The following FGF12 variants were observed in gnomAD, a reference collection of about 807,000 sequenced individuals.
FGF12 encodes the protein fibroblast growth factor 12B.
In FGF12, 14 loss-of-function variants were observed where a neutral mutation model predicts 23.6. That is an observed-to-expected ratio of 0.59 (90% confidence interval 0.39 to 0.93). FGF12 has a LOEUF of 0.93. Ranked by LOEUF, FGF12 falls within the 40% of genes least tolerant of loss-of-function variation. The pLI, the probability that FGF12 is intolerant of heterozygous loss-of-function variation, is 0.00. For synonymous variants in FGF12, 62 were observed against 77.3 expected (o/e 0.80, Z 1.04); for missense variants, 175 against 217.8 (o/e 0.80, Z 1.24).
At chr3:192,320,310 C>T (rs1054542661) in intron 4 of FGF12, among the ~76,000 whole-genome samples, 2 of 152,084 alleles carry the variant, frequency 1.3e-5, no homozygotes, top group African/African-American at 4.8e-5. Flanking sequence ...AATATAAATG[C>T]ACCCAACACT....
At position 192,185,271 on chromosome 3, in the gene FGF12, G is replaced by A. The variant is rs564476353; in HGVS notation, c.229-14615C>T. ...CTATATAGAACTCACTTGAGACCCC[G>A]GCCTCTGTCTTATTTCTCACTGAAA... is the stretch of plus-strand genomic sequence containing the variant. On this transcript the variant is annotated intron_variant, in intron 4 of 5. Transcript: ENST00000445105. Among the ~76,000 whole-genome samples, 3 of 152,158 alleles carry A rather than the reference G, an allele frequency of 2.0e-5. No homozygotes were observed. In the South Asian group the frequency reaches 6.2e-4, roughly 32 times the overall value.
intron 4 of FGF12, among the ~76,000 whole-genome samples, chr3:192,257,678 G>C (rs1426769920): frequency 2.0e-5 from 3 of 152,020 alleles, no homozygotes; most frequent in African/African-American, 7.2e-5. Context: ...ATTTGACTAG[G>C]GAGGGTTTTT....
chr3:192,267,496 A>G (rs1297350157), intron 4 of FGF12, among the ~76,000 whole-genome samples: 2 of 152,180 alleles, frequency 1.3e-5, no homozygotes, highest in African/African-American at 4.8e-5. Flanking sequence ...CAACATTAGT[A>G]GGGGCCAAGA....
chr3:192,617,375 G>T (rs1279647198), intron 2 of FGF12, among the ~76,000 whole-genome samples: 1 of 152,076 alleles, frequency 6.6e-6, no homozygotes, highest in African/African-American at 2.4e-5. Flanking sequence ...TCCACGGAGA[G>T]AGTGGGGTTC....
In FGF12 at chr3:192,409,107, C is replaced by G. The variant is rs2108777015; in HGVS notation, c.14-48569G>C. On this transcript the variant is annotated intron_variant, in intron 2 of 5. Transcript: ENST00000445105. The surrounding 1 kb of genome is among the most constrained non-coding windows in gnomAD (Gnocchi z 4.8). ...GGCGCGAGGGAGGGAGGGAGATCCT[C>G]GAGGGCCAAGCACCCCTCGGGGAGA... 2.4e-6 allele frequency: 1 copy of G among 421,640 alleles called. No individual in the cohort carries two copies. The highest frequency in any genetic ancestry group is 9.9e-5 in the South Asian group (1 of 10,124). 26.1% of individuals were successfully genotyped at this position (421,640 alleles called of 1,614,324 possible). A position where few individuals can be genotyped will look rare whatever the true frequency, so the allele number is the denominator to read the frequency against.
At chr3:192,633,134 C>A (rs1715449840) in intron 2 of FGF12, among the ~76,000 whole-genome samples, 1 of 152,134 alleles carries the variant, frequency 6.6e-6, no homozygotes. Flanking sequence ...CAACTTCCAC[C>A]TCCCAGGTTC....
intron 2 of FGF12, among the ~76,000 whole-genome samples, chr3:192,666,052 T>A (rs1406204074): frequency 6.6e-6 from 1 of 152,136 alleles, no homozygotes; most frequent in Admixed American, 6.5e-5. Flanking sequence ...AACTTACCTA[T>A]GAAGTAGAAG....
At chr3:192,598,557 G>GT (rs1560164462) in intron 2 of FGF12, among the ~76,000 whole-genome samples, 1 of 152,130 alleles carries the variant, frequency 6.6e-6, no homozygotes, top group Non-Finnish European at 1.5e-5. Flanking sequence ...AGAGGGCAGT[G>GT]TTTCTCAAAC....
Position 192,336,306 on chromosome 3 carries a change from C to G in FGF12, c.125-842G>C, listed in dbSNP as rs1717414812. On this transcript the variant is annotated intron_variant, in intron 3 of 5. Transcript: ENST00000445105. The surrounding 1 kb of genome is among the most constrained non-coding windows in gnomAD (Gnocchi z 4.3). Reference sequence around the variant, plus strand: ...GCAGTCTTTACATATTCGAGTTGCTCATCACTCAAAATACTCAATAGTCTA... The same window carrying G: ...GCAGTCTTTACATATTCGAGTTGCTGATCACTCAAAATACTCAATAGTCTA... Among the ~76,000 whole-genome samples, 1 of 151,920 alleles carries G rather than the reference C, an allele frequency of 6.6e-6. No individual in the cohort carries two copies. Among genetic ancestry groups the G allele is most frequent in the Non-Finnish European group, 1.5e-5 (1 of 67,962 alleles).
At position 192,360,442 on chromosome 3, in the gene FGF12, T is replaced by C; in HGVS notation, c.110A>G (p.Glu37Gly). 1 of 1,611,298 alleles carries C rather than the reference T, an allele frequency of 6.2e-7. No homozygotes were observed. The highest frequency in any genetic ancestry group is 8.5e-7 in the Non-Finnish European group (1 of 1,177,410). Reference protein sequence around the residue: ...PDGTIDGTKDENSDYTLFNLI... With the variant: ...PDGTIDGTKDGNSDYTLFNLI... ...ATGTTTCTTACTGTAGTCGCTGTTT[T>C]CGTCCTTGGTCCCATCAATGGTACC... The change falls in exon 3 of 6, where the codon GAA (glutamate) becomes GGA (glycine). Residue 37 changes from glutamate (E) to glycine (G), a missense_variant. Coordinates refer to ENST00000445105, the MANE Select transcript of FGF12 (RefSeq NM_004113.6). The surrounding 1 kb of genome is among the most constrained non-coding windows in gnomAD (Gnocchi z 4.3).
At chr3:192,343,357 T>C (rs1717791942) in intron 3 of FGF12, among the ~76,000 whole-genome samples, 1 of 152,132 alleles carries the variant, frequency 6.6e-6, no homozygotes, top group South Asian at 2.1e-4. Flanking sequence ...TTTATTAGAG[T>C]GTGAATAAGA....
rs146668306 is a variant in FGF12 at position 192,162,344 on chromosome 3, T to C, written c.427+8114A>G. ...ACTGTGCTATACATATTTACTATAA[T>C]GAGATAACAACTATAACGTTGTGAA... On this transcript the variant is annotated intron_variant, in intron 5 of 5. Transcript: ENST00000445105. Among the ~76,000 whole-genome samples the C allele has an allele frequency of 3.4e-3, 515 of 152,168 alleles. 1 individual carries two copies. Among genetic ancestry groups the C allele is most frequent in the African/African-American group, 0.011 (439 of 41,538 alleles).
intron 4 of FGF12, among the ~76,000 whole-genome samples, chr3:192,308,515 T>C (rs1351268463): frequency 6.6e-6 from 1 of 151,880 alleles, no homozygotes; most frequent in Non-Finnish European, 1.5e-5. Context: ...CCATCTCTAC[T>C]AAAAATACAA....
intron 4 of FGF12, among the ~76,000 whole-genome samples, chr3:192,210,718 G>A (rs914787879): frequency 1.3e-5 from 2 of 148,702 alleles, no homozygotes; most frequent in Admixed American, 6.6e-5. Context: ...TACCATCGCG[G>A]AGCTTATATT....
intron 2 of FGF12, among the ~76,000 whole-genome samples, chr3:192,608,915 T>C (rs532200672): frequency 6.6e-6 from 1 of 152,232 alleles, no homozygotes; most frequent in African/African-American, 2.4e-5. Context: ...CCACATATTC[T>C]GGCACTTAAC....
At chr3:192,530,899 T>C (rs2134127) in intron 2 of FGF12, among the ~76,000 whole-genome samples, 97,954 of 152,086 alleles carry the variant, frequency 0.64, 32,216 homozygotes, top group East Asian at 0.86. Flanking sequence ...ACTGCAACCT[T>C]CACCTACCGG....
At chr3:192,707,223 T>C (rs974974585) in intron 2 of FGF12, among the ~76,000 whole-genome samples, 1 of 152,148 alleles carries the variant, frequency 6.6e-6, no homozygotes, top group Non-Finnish European at 1.5e-5. Context: ...AGTCTCTTTT[T>C]TGGGACTCAC....
At chr3:192,603,972 G>A (rs1390886942) in intron 2 of FGF12, among the ~76,000 whole-genome samples, 2 of 152,090 alleles carry the variant, frequency 1.3e-5, no homozygotes, top group African/African-American at 4.8e-5. Flanking sequence ...AACCACACAG[G>A]ACAGACATTC....
chr3:192,188,506 A>G (rs778147089), intron 4 of FGF12, among the ~76,000 whole-genome samples: 2 of 152,182 alleles, frequency 1.3e-5, no homozygotes, highest in Non-Finnish European at 2.9e-5. Context: ...TCTTATATCT[A>G]TTTCATTTTT....
Sources: allele counts gnomAD v4.1 joint callset (sites outside exome capture counted in the v4.1 genomes callset), GRCh38; gene constraint gnomAD v4.1.1; non-coding constraint Gnocchi (gnomAD v3.1); transcripts MANE v1.5; gene names NCBI Gene and HGNC (gene_info 2026-07-23, HGNC 2026-07-21).